The following STARD9 variants were observed in gnomAD, a reference collection of about 807,000 sequenced individuals.
The protein encoded by STARD9 is StAR related lipid transfer domain containing 9.
In STARD9, 346 loss-of-function variants were observed where a neutral mutation model predicts 399.8. The observed-to-expected ratio is 0.87, with a 90% CI of 0.79 to 0.95. STARD9 has a LOEUF of 0.95. STARD9 is among the 40% of genes least tolerant of loss of function. STARD9 has a pLI of 0.00. For missense variants in STARD9, 5,832 were observed against 5,667.5 expected, an observed-to-expected ratio of 1.03 and a Z score of -0.93; for synonymous variants, 2,203 against 2,143.5, an observed-to-expected ratio of 1.03 and a Z score of -0.77.
At chr15:42,618,475 G>A (rs2059017097) in intron 3 of STARD9, among the ~76,000 whole-genome samples, 1 of 151,882 alleles carries the variant, frequency 6.6e-6, no homozygotes. Context: ...ATTTATATTG[G>A]GCTAGATAAT....
intron 26 of STARD9, among the ~76,000 whole-genome samples, chr15:42,710,965 CCTT>C (rs1216158100): frequency 1.3e-5 from 2 of 151,366 alleles, no homozygotes; most frequent in African/African-American, 4.9e-5. Context: ...TTTCACATAG[CCTT>C]CTTTTTTTTT....
chr15:42,717,940 C>T lies in STARD9; in HGVS notation c.13560-37C>T, dbSNP rs28431056. On this transcript the variant is annotated intron_variant, in intron 29 of 32. Coordinates refer to ENST00000290607, the MANE Select transcript of STARD9 (RefSeq NM_020759.3). ...TGTGACCCTTAGAGCCCATTTTTGA[C>T]CCCTTTCTATTTTCTGTGCTTGGTG... The T allele has an allele frequency of 0.017, 26,636 of 1,530,690 alleles. 1,395 individuals carry two copies. The African/African-American group carries it at 0.18, about 11-fold the overall frequency. The allele number at this position is 1,530,690 out of a possible 1,614,324, so 94.8% of individuals were successfully genotyped here.
intron 3 of STARD9, among the ~76,000 whole-genome samples, chr15:42,626,357 C>CTCTTCCTCT (rs1566884816): frequency 7.4e-6 from 1 of 134,786 alleles, no homozygotes. Flanking sequence ...CCTCTTCTTC[C>CTCTTCCTCT]TCTTCCTCTT....
At chr15:42,632,201 G>A (rs2059345725) in intron 3 of STARD9, among the ~76,000 whole-genome samples, 1 of 152,048 alleles carries the variant, frequency 6.6e-6, no homozygotes. Flanking sequence ...AATGACCTTT[G>A]TCTCTTTTAA....
Position 42,691,047 on chromosome 15 carries a change from G to A in STARD9, c.9469G>A (p.Val3157Ile), listed in dbSNP as rs2140278361. 1.3e-6 allele frequency: 2 copies of A among 1,537,212 alleles called. No individual in the cohort carries two copies. The highest frequency in any genetic ancestry group is 4.9e-5 in the East Asian group (2 of 40,912). The change falls in exon 23 of 33, where the codon GTA becomes ATA. Residue 3157 changes from valine to isoleucine, a missense_variant. Physicochemically the swap from Val to Ile is conservative, Grantham distance 29. Transcript: ENST00000290607. ...AGGGTCTGCTGAGAGCAAGTTGGTG[G>A]TAGAGCCACAGCATGAATGTTTAGA... ...SEGSAESKLV[V>I]EPQHECLENT...
At chr15:42,677,215 C>T (rs1371581138) in intron 20 of STARD9, among the ~76,000 whole-genome samples, 1 of 151,288 alleles carries the variant, frequency 6.6e-6, no homozygotes, top group East Asian at 2.0e-4. Context: ...AGTGAGCCGA[C>T]ATTGCGCCAC....
chr15:42,581,656 T>G (rs2058174264), intron 1 of STARD9, among the ~76,000 whole-genome samples: 2 of 140,280 alleles, frequency 1.4e-5, no homozygotes, highest in Middle Eastern at 3.6e-3. Context: ...TCCTCGGGCC[T>G]CGCCAGCAGC....
intron 6 of STARD9, 146 bp from the exon 7 acceptor site, chr15:42,638,554 T>A (rs2059465276): frequency 1.1e-5 from 6 of 560,828 alleles, no homozygotes; most frequent in African/African-American, 1.9e-5. Flanking sequence ...GGAAAGAGAA[T>A]CAAGGGGGAA....
rs569173908 is a variant in STARD9 at position 42,715,923 on chromosome 15, CAG to C, written c.13285-753_13285-752del. 2.4e-4 allele frequency among the ~76,000 whole-genome samples: 36 copies of C among 152,310 alleles called. 1 individual carries two copies. The East Asian group carries it at 6.8e-3, about 29-fold the overall frequency. The stretch of plus-strand genomic sequence containing the variant: ...GTGATCAGTAGTGAAAGGCTTCTGA[CAG>C]GGCAGCGTGAGAGCTAAGCCAGAGG... On this transcript the variant is annotated intron_variant, in intron 26 of 32. Transcript: ENST00000290607.
intron 20 of STARD9, among the ~76,000 whole-genome samples, chr15:42,677,248 G>A (rs938293910): frequency 1.3e-5 from 2 of 152,086 alleles, no homozygotes; most frequent in African/African-American, 4.8e-5. Context: ...TGGGCGACAG[G>A]GCGAGACTCC....
chr15:42,656,093 C>T (rs972297183), intron 9 of STARD9, among the ~76,000 whole-genome samples: 1 of 152,074 alleles, frequency 6.6e-6, no homozygotes, highest in East Asian at 1.9e-4. Context: ...CAGTGGCTCA[C>T]GCCTGTAATC....
At chr15:42,578,105 A>C (rs913373150) in intron 1 of STARD9, among the ~76,000 whole-genome samples, 27 of 50,850 alleles carry the variant, frequency 5.3e-4, no homozygotes, top group African/African-American at 1.9e-3. Context: ...GTTGACGCTC[A>C]ATTTTTTTTT....
chr15:42,621,859 G>T (rs879502868), intron 3 of STARD9, among the ~76,000 whole-genome samples: 3 of 152,170 alleles, frequency 2.0e-5, no homozygotes, highest in Non-Finnish European at 2.9e-5. Flanking sequence ...TGCTAGATGT[G>T]ATCATTTCTG....
chr15:42,602,602 A>G (rs1285288426), intron 3 of STARD9, among the ~76,000 whole-genome samples: 1 of 152,222 alleles, frequency 6.6e-6, no homozygotes, highest in Non-Finnish European at 1.5e-5. Flanking sequence ...TGCTCACCTC[A>G]TGTAAATGAA....
At chr15:42,596,109 CT>C in intron 3 of STARD9, among the ~76,000 whole-genome samples, 1 of 152,278 alleles carries the variant, frequency 6.6e-6, no homozygotes, top group East Asian at 1.9e-4. Flanking sequence ...ATTTTTCCCC[CT>C]GTAAGACAAG....
At chr15:42,606,978 C>T (rs1285858462) in intron 3 of STARD9, among the ~76,000 whole-genome samples, 2 of 150,886 alleles carry the variant, frequency 1.3e-5, no homozygotes, top group Middle Eastern at 3.5e-3. Context: ...GACAAGGTCT[C>T]ACTCTGTCTC....
Position 42,581,486 on chromosome 15 carries a change from C to T in STARD9, c.48-1860C>T, listed in dbSNP as rs1415905793. On this transcript the variant is annotated intron_variant, in intron 1 of 32. Transcript: ENST00000290607. ...GGTGGCCGCTGCCAGCGGAGGAGGA[C>T]ATGGCTGTGGACGCGGGCTCTGGGC... 3.3e-6 allele frequency: 5 copies of T among 1,504,708 alleles called. No individual in the cohort carries two copies. In the African/African-American group the frequency reaches 7.0e-5, roughly 21 times the overall value. 93.2% of individuals were successfully genotyped at this position (1,504,708 alleles called of 1,614,324 possible).
rs928414396 is a variant in STARD9, at chr15:42,590,405, T to C, written c.234+4768T>C. 2.6e-5 allele frequency among the ~76,000 whole-genome samples: 4 copies of C among 152,184 alleles called. No homozygotes were observed. In the East Asian group the frequency reaches 5.8e-4, roughly 22 times the overall value. ...ACAAAGGAAGGACTGCTCAGAAATA[T>C]GGCATTGATTTCAGATATCAAAATA... is the stretch of plus-strand genomic sequence containing the variant. On this transcript the variant is annotated intron_variant, in intron 3 of 32. Transcript: ENST00000290607.
chr15:42,712,104 A>ATATT (rs36132946), intron 26 of STARD9, among the ~76,000 whole-genome samples: 81 of 276 alleles, frequency 0.29, 17 homozygotes, highest in African/African-American at 0.34. Flanking sequence ...TATAATATAT[A>ATATT]ATATATAATA....
Sources: gnomAD v4.1 joint callset for allele counts (sites outside exome capture counted in the v4.1 genomes callset) on GRCh38, gnomAD v4.1.1 for gene constraint, MANE v1.5 for transcripts, NCBI Gene and HGNC (gene_info 2026-07-23, HGNC 2026-07-21) for gene names.